PHKB: variants seen among roughly 807,000 people sequenced by gnomAD.
PHKB encodes phosphorylase b kinase regulatory subunit beta.
In PHKB, 122 loss-of-function variants were observed where a neutral mutation model predicts 152.1. The observed-to-expected ratio is 0.80, with a 90% CI of 0.69 to 0.93. The LOEUF is 0.93. Among genes scored for constraint, PHKB ranks in the 40% least tolerant of loss-of-function variants. The pLI, the probability that PHKB is intolerant of heterozygous loss-of-function variation, is 0.00. For synonymous variants in PHKB, 436 were observed against 464.9 expected, an observed-to-expected ratio of 0.94 and a Z score of 0.80; for missense variants, 1,304 against 1,328.4, an observed-to-expected ratio of 0.98 and a Z score of 0.29.
intron 7 of PHKB, among the ~76,000 whole-genome samples, chr16:47,550,878 C>G (rs1351382523): frequency 6.6e-6 from 1 of 152,144 alleles, no homozygotes; most frequent in African/African-American, 2.4e-5. Context: ...CTATTAATTA[C>G]TGCCTCAATT....
chr16:47,628,575 CAATACAATTGCA>C (rs1972755233), intron 14 of PHKB, among the ~76,000 whole-genome samples: 1 of 152,034 alleles, frequency 6.6e-6, no homozygotes. Context: ...GACTAGGGCT[CAATACAATTGCA>C]AAAATTAGAA....
At chr16:47,669,467 T>A (rs763704886) in intron 26 of PHKB, 50 bp downstream of exon 26, 45 of 1,533,980 alleles carry the variant, frequency 2.9e-5, no homozygotes, top group Non-Finnish European at 4.1e-5. Flanking sequence ...CAAGTTGTCC[T>A]CTAACAGACC....
chr16:47,596,674 T>G, intron 13 of PHKB, 143 bp downstream of exon 13: 1 of 720,242 alleles, frequency 1.4e-6, no homozygotes, highest in Admixed American at 2.4e-5. Flanking sequence ...TAGTATCTAG[T>G]GGTATATTAA....
intron 8 of PHKB, among the ~76,000 whole-genome samples, chr16:47,581,710 G>C (rs1171532608): frequency 6.6e-6 from 1 of 151,994 alleles, no homozygotes; most frequent in African/African-American, 2.4e-5. Flanking sequence ...ACAAAGTCTC[G>C]CTCTTGTCTC....
At chr16:47,561,587 C>T (rs1017372992) in intron 7 of PHKB, 1 of 152,120 alleles carries the variant, frequency 6.6e-6, no homozygotes, top group East Asian at 1.9e-4. Flanking sequence ...TGGGGCTATA[C>T]ATGTTGATAA....
At chr16:47,679,042 G>T (rs1311260216) in intron 26 of PHKB, among the ~76,000 whole-genome samples, 2 of 152,120 alleles carry the variant, frequency 1.3e-5, no homozygotes, top group East Asian at 1.9e-4. Context: ...TTTCCCCATT[G>T]CTTGTTTTTG....
At chr16:47,681,783 A>G (rs1272168140) in intron 26 of PHKB, among the ~76,000 whole-genome samples, 1 of 152,070 alleles carries the variant, frequency 6.6e-6, no homozygotes, top group Non-Finnish European at 1.5e-5. Flanking sequence ...TAAAGTTAAT[A>G]TTGTTATTTG....
chr16:47,643,100 T>C (rs933254443), intron 16 of PHKB, among the ~76,000 whole-genome samples: 2 of 152,228 alleles, frequency 1.3e-5, no homozygotes, highest in Non-Finnish European at 2.9e-5. Context: ...TCTAGTCTAA[T>C]TAATATTAGC....
In PHKB at chr16:47,696,567, A is replaced by C. The variant is rs1974151328; in HGVS notation, c.3003+79A>C. ...AAAACTAGTATAAGGGAAACTGCCT[A>C]TGAGACCCAGAATCCTATTCTTTCC... On this transcript the variant is annotated intron_variant, in intron 29 of 30. Coordinates refer to ENST00000323584, the MANE Select transcript of PHKB (RefSeq NM_000293.3). 1.3e-5 allele frequency: 11 copies of C among 815,698 alleles called. No individual in the cohort carries two copies. The Admixed American group carries it at 1.9e-4, about 14-fold the overall frequency. The allele number at this position is 815,698 out of a possible 1,614,324, so 50.5% of individuals were successfully genotyped here.
intron 26 of PHKB, among the ~76,000 whole-genome samples, chr16:47,682,401 A>T (rs904446120): frequency 2.6e-5 from 4 of 152,184 alleles, no homozygotes; most frequent in Non-Finnish European, 5.9e-5. Context: ...CAGGTACACC[A>T]ATCAGACGTA....
chr16:47,538,196 C>G (rs1335500892), intron 6 of PHKB, among the ~76,000 whole-genome samples: 2 of 152,144 alleles, frequency 1.3e-5, no homozygotes, highest in Non-Finnish European at 2.9e-5. Context: ...CACCTAGCCA[C>G]AAAGCTTTAA....
At chr16:47,508,743 A>G (rs1970460616) in intron 4 of PHKB, among the ~76,000 whole-genome samples, 1 of 152,208 alleles carries the variant, frequency 6.6e-6, no homozygotes, top group African/African-American at 2.4e-5. Context: ...TATTTGCCAG[A>G]TGCCAGAATC....
intron 14 of PHKB, among the ~76,000 whole-genome samples, chr16:47,622,262 T>C (rs949799783): frequency 2.0e-5 from 3 of 152,136 alleles, no homozygotes; most frequent in Admixed American, 6.6e-5. Context: ...TACTTCACGT[T>C]TTTTCCTGTT....
chr16:47,562,143 G>C (rs1273952742), intron 7 of PHKB: 4 of 152,294 alleles, frequency 2.6e-5, no homozygotes, highest in Non-Finnish European at 5.9e-5. Context: ...CCTGTGGCAG[G>C]AGCATAATGG....
At chr16:47,576,923 G>A (rs1210232998) in intron 7 of PHKB, among the ~76,000 whole-genome samples, 3 of 151,926 alleles carry the variant, frequency 2.0e-5, no homozygotes, top group African/African-American at 7.2e-5. Flanking sequence ...TTCAATTGGT[G>A]TATTTCATGC....
chr16:47,555,641 G>C (rs1971355682), intron 7 of PHKB, among the ~76,000 whole-genome samples: 1 of 152,188 alleles, frequency 6.6e-6, no homozygotes, highest in Admixed American at 6.5e-5. Flanking sequence ...AGTTTCTTGA[G>C]AGTGTCTTGT....
intron 8 of PHKB, among the ~76,000 whole-genome samples, chr16:47,586,311 A>T (rs1211984126): frequency 6.6e-6 from 1 of 152,208 alleles, no homozygotes; most frequent in Admixed American, 6.5e-5. Context: ...AGTGCACAGT[A>T]CCTTGCCAGC....
At position 47,610,571 on chromosome 16, in the gene PHKB, AG is replaced by A. The variant is rs577569781; in HGVS notation, c.1364-254del. On this transcript the variant is annotated intron_variant, in intron 13 of 30. Coordinates refer to ENST00000323584, the MANE Select transcript of PHKB (RefSeq NM_000293.3). ...ATTTCCACATATGTGTGAATTTATA[AG>A]ATTTCTTTCTGTTATTGATGCCTAA... Among the ~76,000 whole-genome samples, 635 of 152,234 alleles carry A rather than the reference AG, an allele frequency of 4.2e-3. 6 individuals are homozygous for A. The highest frequency in any genetic ancestry group is 0.015 in the African/African-American group (605 of 41,540).
At chr16:47,681,697 A>C (rs1036974593) in intron 26 of PHKB, among the ~76,000 whole-genome samples, 6 of 152,156 alleles carry the variant, frequency 3.9e-5, no homozygotes, top group Non-Finnish European at 8.8e-5. Context: ...TGAATACAGC[A>C]CACTGATGGG....
Sources: allele counts gnomAD v4.1 joint callset (sites outside exome capture counted in the v4.1 genomes callset), GRCh38; gene constraint gnomAD v4.1.1; transcripts MANE v1.5; gene names NCBI Gene and HGNC (gene_info 2026-07-23, HGNC 2026-07-21).